Variants in CDKN2B-AS1 observed in about 807,000 individuals in gnomAD.
CDKN2B-AS1 encodes the protein CDKN2B and CDKN2A antisense cis and trans regulatory RNA 1.
Position 22,006,063 on chromosome 9 carries a change from C to G in CDKN2B-AS1, n.29+10902C>G. On this transcript the variant is annotated intron_variant and non_coding_transcript_variant, in intron 1 of 4. Transcript: ENST00000650946. The surrounding 1 kb of genome is among the most constrained non-coding windows in gnomAD (Gnocchi z 6.4). ...CTCCTCGGCCAAGTCCACGGGCAGA[C>G]GACCCCAGGCATCGCGCACGTCCAG... 2 of 1,605,966 alleles carry G rather than the reference C, an allele frequency of 1.2e-6. No individual in the cohort carries two copies. Among genetic ancestry groups the G allele is most frequent in the East Asian group, 2.2e-5 (1 of 44,872 alleles).
chr9:22,031,433 T>A (rs879272666), intron 1 of CDKN2B-AS1, among the ~76,000 whole-genome samples: 1 of 152,174 alleles, frequency 6.6e-6, no homozygotes, highest in Admixed American at 6.5e-5. Flanking sequence ...ATTTTAAAGA[T>A]GAGAAAAGCA....
At chr9:22,018,249 A>T (rs1249348784) in intron 1 of CDKN2B-AS1, among the ~76,000 whole-genome samples, 2 of 150,468 alleles carry the variant, frequency 1.3e-5, no homozygotes. Context: ...GCTTGAACCC[A>T]GGAGGCAGAG....
At chr9:22,093,632 G>T (rs1448418274) in intron 4 of CDKN2B-AS1, among the ~76,000 whole-genome samples, 2 of 138,288 alleles carry the variant, frequency 1.4e-5, no homozygotes, top group East Asian at 4.1e-4. Context: ...CAGAGACTAG[G>T]ATTGCAACCC....
Position 21,997,221 on chromosome 9 carries a change from C to T in CDKN2B-AS1, n.29+2060C>T, listed in dbSNP as rs906235716. ...TACTGAATACTGTAGATAATTGTAA[C>T]AAAATGTAGTTTTATATCTAAACAC... is the stretch of plus-strand genomic sequence containing the variant. On this transcript the variant is annotated intron_variant and non_coding_transcript_variant, in intron 1 of 4. Transcript: ENST00000650946. The surrounding 1 kb of genome is among the most constrained non-coding windows in gnomAD (Gnocchi z 4.8). Among the ~76,000 whole-genome samples, 2 of 152,082 alleles carry T rather than the reference C, an allele frequency of 1.3e-5. No individual in the cohort carries two copies. The highest frequency in any genetic ancestry group is 4.8e-5 in the African/African-American group (2 of 41,400).
intron 4 of CDKN2B-AS1, among the ~76,000 whole-genome samples, chr9:22,069,966 G>C (rs919279292): frequency 6.6e-6 from 1 of 152,080 alleles, no homozygotes; most frequent in Non-Finnish European, 1.5e-5. Flanking sequence ...AGGTTCAAGT[G>C]ATTCTTTCTA....
At chr9:22,092,895 A>G (rs540271854) in intron 4 of CDKN2B-AS1, among the ~76,000 whole-genome samples, 3 of 152,004 alleles carry the variant, frequency 2.0e-5, no homozygotes, top group East Asian at 3.9e-4. Flanking sequence ...TTGCTTCTAT[A>G]GTTCTTTTAA....
chr9:22,093,203 G>C (rs1825157029), intron 4 of CDKN2B-AS1, among the ~76,000 whole-genome samples: 1 of 145,382 alleles, frequency 6.9e-6, no homozygotes, highest in African/African-American at 2.6e-5. Flanking sequence ...TATAATTTCT[G>C]TTCTTTTACA....
At chr9:22,074,205 A>G (rs555135403) in intron 4 of CDKN2B-AS1, among the ~76,000 whole-genome samples, 2 of 152,298 alleles carry the variant, frequency 1.3e-5, no homozygotes, top group South Asian at 4.1e-4. Context: ...TAATTTTAAG[A>G]TCACATTTCC....
intron 2 of CDKN2B-AS1, among the ~76,000 whole-genome samples, chr9:22,048,189 C>T (rs1006556045): frequency 3.9e-5 from 6 of 152,126 alleles, no homozygotes; most frequent in African/African-American, 1.4e-4. Context: ...ACACTGTCAT[C>T]CTGTAAATGT....
chr9:22,105,887 T>A (rs999934339), intron 4 of CDKN2B-AS1, among the ~76,000 whole-genome samples: 2 of 152,230 alleles, frequency 1.3e-5, no homozygotes, highest in Non-Finnish European at 2.9e-5. Flanking sequence ...TGGGTTACTT[T>A]GGTTAAGTTG....
Position 22,005,647 on chromosome 9 carries a change from C to G in CDKN2B-AS1, n.29+10486C>G. 1 of 467,832 alleles carries G rather than the reference C, an allele frequency of 2.1e-6. No homozygotes were observed. The highest frequency in any genetic ancestry group is 2.2e-5 in the South Asian group (1 of 45,820). The allele number at this position is 467,832 out of a possible 1,614,324, so 29.0% of individuals were successfully genotyped here. On this transcript the variant is annotated intron_variant and non_coding_transcript_variant, in intron 1 of 4. Coordinates refer to ENST00000650946, the Ensembl canonical transcript of CDKN2B-AS1. This position sits in a 1 kb window ranked among gnomAD's most constrained non-coding sequence, Gnocchi z 4.9. ...TGGGAGATTCATCCATCGGAAGATT[C>G]GTAGCCACCAGGTCCAGTCAAGGAT...
rs1190098204 is a variant in CDKN2B-AS1 at position 21,996,848 on chromosome 9, C to T, written n.29+1687C>T. ...AATGGAGTGGGAGCGGTGAGGGTTT[C>T]TTGGGCCTAGACAATGTAACTAGTT... On this transcript the variant is annotated intron_variant and non_coding_transcript_variant, in intron 1 of 4. Coordinates refer to ENST00000650946, the Ensembl canonical transcript of CDKN2B-AS1. The surrounding 1 kb of genome is among the most constrained non-coding windows in gnomAD (Gnocchi z 5.4). 2.6e-5 allele frequency among the ~76,000 whole-genome samples: 4 copies of T among 152,140 alleles called. No homozygotes were observed. Among genetic ancestry groups the T allele is most frequent in the African/African-American group, 9.7e-5 (4 of 41,412 alleles).
At chr9:22,027,823 C>T (rs528135220) in intron 1 of CDKN2B-AS1, among the ~76,000 whole-genome samples, 14 of 151,104 alleles carry the variant, frequency 9.3e-5, no homozygotes, top group Admixed American at 3.3e-4. Flanking sequence ...AATATTGATG[C>T]TGTAAGGAAA....
In CDKN2B-AS1 at chr9:22,062,908, TCAAA is replaced by T. The variant is rs1326057059; in HGVS notation, n.438+6525_438+6528del. Among the ~76,000 whole-genome samples the T allele has an allele frequency of 4.0e-5, 6 of 151,818 alleles. No homozygotes were observed. In the South Asian group the frequency reaches 6.2e-4, roughly 16 times the overall value. The stretch of plus-strand genomic sequence containing the variant: ...AAAGTTGACTACCTTTGTTTCTGTC[TCAAA>T]CAAGTAGGTGGTGATGCCTTTGAGG... On this transcript the variant is annotated intron_variant and non_coding_transcript_variant, in intron 4 of 4. Transcript: ENST00000650946.
chr9:22,083,964 T>A (rs1824785085), intron 4 of CDKN2B-AS1, among the ~76,000 whole-genome samples: 2 of 152,228 alleles, frequency 1.3e-5, no homozygotes, highest in Admixed American at 1.3e-4. Flanking sequence ...TTAATCACTT[T>A]ACATCTTTGT....
intron 4 of CDKN2B-AS1, among the ~76,000 whole-genome samples, chr9:22,071,427 G>T (rs147878218): frequency 6.7e-6 from 1 of 148,676 alleles, no homozygotes; most frequent in East Asian, 2.0e-4. Context: ...CGAGTACCTA[G>T]AAATCTATTT....
In CDKN2B-AS1 at chr9:22,016,034, A is replaced by T. The variant is rs563431553; in HGVS notation, n.29+20873A>T. ...GAGTAGGTCGCGAAAATTTTCTCCC[A>T]TTTTGTAGGTTGCCTGTTCACTCTG... is the stretch of plus-strand genomic sequence containing the variant. On this transcript the variant is annotated intron_variant and non_coding_transcript_variant, in intron 1 of 4. Transcript: ENST00000650946. Among the ~76,000 whole-genome samples, 1,512 of 152,126 alleles carry T rather than the reference A, an allele frequency of 9.9e-3. 28 individuals are homozygous for T. Among genetic ancestry groups the T allele is most frequent in the African/African-American group, 0.034 (1,420 of 41,472 alleles).
chr9:22,109,967 T>C (rs1825762662), intron 4 of CDKN2B-AS1, among the ~76,000 whole-genome samples: 1 of 152,134 alleles, frequency 6.6e-6, no homozygotes, highest in South Asian at 2.1e-4. Flanking sequence ...TAACTTGTAT[T>C]CTAGCCTTAA....
At chr9:22,094,204 C>T (rs1053116829) in intron 4 of CDKN2B-AS1, among the ~76,000 whole-genome samples, 1 of 144,004 alleles carries the variant, frequency 6.9e-6, no homozygotes, top group Non-Finnish European at 1.5e-5. Context: ...GTCTGATGGG[C>T]TTCCCTTTGT....
Sources: gnomAD v4.1 joint callset for allele counts (sites outside exome capture counted in the v4.1 genomes callset) on GRCh38, gnomAD v4.1.1 for gene constraint, Gnocchi (gnomAD v3.1) non-coding constraint, MANE v1.5 for transcripts, NCBI Gene and HGNC (gene_info 2026-07-23, HGNC 2026-07-21) for gene names.